The following ALOX12B variants were observed in gnomAD, a reference collection of about 807,000 sequenced individuals.
ALOX12B encodes the protein arachidonate 12-lipoxygenase, 12R-type.
Under a neutral mutation model 78.9 loss-of-function variants are expected in ALOX12B, and 47 were observed. The ratio of observed to expected loss-of-function variants is 0.60; its 90% confidence interval spans 0.47 to 0.76. ALOX12B has a LOEUF of 0.76. Ranked by LOEUF, ALOX12B falls within the 30% of genes least tolerant of loss-of-function variation. ALOX12B has a pLI of 0.00. For synonymous variants in ALOX12B, 370 were observed against 374.5 expected (o/e 0.99, Z 0.14); for missense variants, 805 against 922.6 (o/e 0.87, Z 1.65).
intron 9 of ALOX12B, 111 bp from the exon 10 acceptor site, chr17:8,076,854 C>T: frequency 1.4e-6 from 2 of 1,446,264 alleles, no homozygotes; most frequent in Non-Finnish European, 1.9e-6. Flanking sequence ...GTCCCTATGC[C>T]AAGCCCTCTC....
intron 2 of ALOX12B, among the ~76,000 whole-genome samples, chr17:8,084,436 C>T (rs1029065002): frequency 2.6e-5 from 4 of 152,220 alleles, no homozygotes; most frequent in African/African-American, 9.7e-5. Context: ...AGACTCACTC[C>T]TTTGAGGGCC....
intron 3 of ALOX12B, 31 bp from the exon 4 acceptor site, chr17:8,081,007 GC>G: frequency 6.2e-7 from 1 of 1,613,702 alleles, no homozygotes; most frequent in South Asian, 1.1e-5. Flanking sequence ...TCACCCTCAT[GC>G]CCGTGCACCA....
At chr17:8,077,583 G>A (rs1156575916) in intron 8 of ALOX12B, among the ~76,000 whole-genome samples, 7 of 152,180 alleles carry the variant, frequency 4.6e-5, no homozygotes, top group East Asian at 3.8e-4. Flanking sequence ...ATCAGCCTAC[G>A]CTATTCCATT....
chr17:8,076,463 A>G (rs1977084937), intron 10 of ALOX12B, 119 bp from the exon 11 acceptor site: 12 of 1,358,596 alleles, frequency 8.8e-6, no homozygotes, highest in Admixed American at 2.0e-5. Context: ...ACCTCCAGGA[A>G]CAATCCTGCT....
At chr17:8,085,795 G>A (rs1381199180) in intron 2 of ALOX12B, among the ~76,000 whole-genome samples, 2 of 152,126 alleles carry the variant, frequency 1.3e-5, no homozygotes, top group Non-Finnish European at 2.9e-5. Flanking sequence ...GTAGCTGCTG[G>A]GCCTCAGGCA....
Position 8,079,349 on chromosome 17 carries a change from T to C in ALOX12B, c.1071+47A>G. ...AGCGCGCGCACACTCGGAGGAGCAT[T>C]CGCGCACACAGAGGCTCAGCGGCAG... is the stretch of plus-strand genomic sequence containing the variant. On this transcript the variant is annotated intron_variant, in intron 8 of 14. Transcript: ENST00000647874. This position sits in a 1 kb window ranked among gnomAD's most constrained non-coding sequence, Gnocchi z 6.4. 3 of 1,548,254 alleles carry C rather than the reference T, an allele frequency of 1.9e-6. No individual in the cohort carries two copies. The highest frequency in any genetic ancestry group is 2.6e-6 in the Non-Finnish European group (3 of 1,146,342).
Position 8,080,383 on chromosome 17 carries a change from A to G in ALOX12B, c.651-45T>C. The G allele has an allele frequency of 1.2e-6, 2 of 1,607,120 alleles. No individual in the cohort carries two copies. Among genetic ancestry groups the G allele is most frequent in the Non-Finnish European group, 1.7e-6 (2 of 1,173,816 alleles). Reference sequence around the variant, plus strand: ...GAAGAGGCCTTCAGAGGGGCTGCCAAGCGCCGGCTGGGGCAGGTGGCGGGG... The same window carrying G: ...GAAGAGGCCTTCAGAGGGGCTGCCAGGCGCCGGCTGGGGCAGGTGGCGGGG... On this transcript the variant is annotated intron_variant, in intron 5 of 14. Transcript: ENST00000647874. This position sits in a 1 kb window ranked among gnomAD's most constrained non-coding sequence, Gnocchi z 4.8.
chr17:8,081,087 C>CT lies in ALOX12B; in HGVS notation c.434+18dup. 1 of 1,613,728 alleles carries CT rather than the reference C, an allele frequency of 6.2e-7. No individual in the cohort carries two copies. ...TGGACCCCTGCCGGGCGCCCAGACT[C>CT]TGCCACCCGCCCCCTCACTGGTAGA... On this transcript the variant is annotated intron_variant, in intron 3 of 14. Transcript: ENST00000647874.
In ALOX12B at chr17:8,075,727, G is replaced by A. The variant is rs199760981; in HGVS notation, c.1533-11C>T. 1 of 1,614,140 alleles carries A rather than the reference G, an allele frequency of 6.2e-7. No homozygotes were observed. Among genetic ancestry groups the A allele is most frequent in the South Asian group, 1.1e-5 (1 of 91,084 alleles). ...ATCTCCGTCACATACCTGACCAGGG[G>A]ACAGGGCCTCAGTTTGGATCCTCCT... On this transcript the variant is annotated splice_polypyrimidine_tract_variant and intron_variant, in intron 11 of 14. Transcript: ENST00000647874.
chr17:8,085,675 A>G (rs3027300), intron 2 of ALOX12B, among the ~76,000 whole-genome samples: 1 of 152,054 alleles, frequency 6.6e-6, no homozygotes, highest in African/African-American at 2.4e-5. Context: ...TAGCATCACA[A>G]GGGGTATTTT....
At chr17:8,074,441 G>A (rs765336590) in intron 12 of ALOX12B, among the ~76,000 whole-genome samples, 1 of 151,948 alleles carries the variant, frequency 6.6e-6, no homozygotes, top group Non-Finnish European at 1.5e-5. Context: ...GAAACGTGGA[G>A]TCGCCCTTGG....
rs1220180667 is a variant in ALOX12B, at chr17:8,086,144, G to T, written c.224C>A (p.Ala75Asp). 6.2e-7 allele frequency: 1 copy of T among 1,614,146 alleles called. No individual in the cohort carries two copies. The highest frequency in any genetic ancestry group is 1.7e-5 in the Admixed American group (1 of 60,026). ...IIIRLHKERY[A>D]FFPKDPWYCN... is the part of the protein sequence containing the mutation. ...GTACCAAGGGTCCTTGGGGAAGAAG[G>T]CGTACCGCTCTTTGTGCAGGCGGAT... The change falls in exon 2 of 15, where the codon GCC (alanine) becomes GAC (aspartate). Residue 75 changes from alanine to aspartate, a missense_variant. Coordinates refer to ENST00000647874, the MANE Select transcript of ALOX12B (RefSeq NM_001139.3).
intron 12 of ALOX12B, among the ~76,000 whole-genome samples, chr17:8,074,152 C>A (rs1315051415): frequency 6.6e-6 from 1 of 152,138 alleles, no homozygotes; most frequent in Non-Finnish European, 1.5e-5. Context: ...CCACTCCCTC[C>A]CATCACCTCC....
intron 8 of ALOX12B, among the ~76,000 whole-genome samples, chr17:8,078,143 A>ATTTG (rs1206425337): frequency 5.4e-5 from 8 of 149,302 alleles, no homozygotes; most frequent in Non-Finnish European, 1.2e-4. Flanking sequence ...TTATTTATTT[A>ATTTG]TTTATTTATT....
chr17:8,077,101 C>G lies in ALOX12B; in HGVS notation c.1164G>C (p.Ala388=). 6.2e-7 allele frequency: 1 copy of G among 1,613,974 alleles called. No individual in the cohort carries two copies. The highest frequency in any genetic ancestry group is 1.3e-5 in the African/African-American group (1 of 75,028). The change falls in exon 9 of 15, where the codon GCG becomes GCC. Residue 388 remains alanine, a synonymous_variant. Coordinates refer to ENST00000647874, the MANE Select transcript of ALOX12B (RefSeq NM_001139.3). ...CGATGGCCTCGTGGCTGTAGAACTC[C>G]GCATAGCGTACCCACGTCTTGGCTA... ...WLLAKTWVRY[A]EFYSHEAIAH...
chr17:8,086,343 C>A, intron 1 of ALOX12B, 123 bp from the exon 2 acceptor site: 1 of 976,492 alleles, frequency 1.0e-6, no homozygotes, highest in Non-Finnish European at 1.6e-6. Flanking sequence ...CCTGGACTGA[C>A]GGAGGGACAG....
Position 8,076,992 on chromosome 17 carries a change from T to TG in ALOX12B, c.1272dup (p.Lys425GlnfsTer24), listed in dbSNP as rs763328506. On this transcript the variant is annotated frameshift_variant, in exon 9 of 15. Coordinates refer to ENST00000647874, the MANE Select transcript of ALOX12B (RefSeq NM_001139.3). LOFTEE classifies it high-confidence loss of function. ...GGCCCCTTCTCCCAAGCCCATACCT[T>TG]GTAGAGGGGGTGGCACATGGGCAGG... 1.3e-5 allele frequency: 21 copies of TG among 1,613,120 alleles called. No individual in the cohort carries two copies. In the Admixed American group the frequency reaches 1.8e-4, roughly 14 times the overall value.
rs1271285949 is a variant in ALOX12B at position 8,080,018 on chromosome 17, CTA to C, written c.755-79_755-78del. 6.4e-7 allele frequency: 1 copy of C among 1,564,790 alleles called. No individual in the cohort carries two copies. The stretch of plus-strand genomic sequence containing the variant: ...CGGAGAGGCATGGGACAGAAGAAGA[CTA>C]TGGGCACCGAGAGGAGTCGGGGAGG... On this transcript the variant is annotated intron_variant, in intron 6 of 14. Coordinates refer to ENST00000647874, the MANE Select transcript of ALOX12B (RefSeq NM_001139.3). This position sits in a 1 kb window ranked among gnomAD's most constrained non-coding sequence, Gnocchi z 4.8.
chr17:8,073,406 G>A, intron 13 of ALOX12B, 88 bp from the exon 14 acceptor site: 1 of 1,561,776 alleles, frequency 6.4e-7, no homozygotes, highest in East Asian at 2.2e-5. Flanking sequence ...CCCTCCAGTC[G>A]CTGAGATGGA....
Sources: allele counts gnomAD v4.1 joint callset (sites outside exome capture counted in the v4.1 genomes callset), GRCh38; gene constraint gnomAD v4.1.1; non-coding constraint Gnocchi (gnomAD v3.1); transcripts MANE v1.5; gene names NCBI Gene and HGNC (gene_info 2026-07-23, HGNC 2026-07-21).